Variants in PCMT1 observed in about 807,000 individuals in gnomAD.
PCMT1 encodes protein-L-isoaspartate(D-aspartate) O-methyltransferase.
PCMT1 carries 9 observed loss-of-function variants against 29.2 expected under a neutral mutation model. The observed-to-expected ratio is 0.31, with a 90% CI of 0.19 to 0.54. The LOEUF (loss-of-function observed/expected upper bound fraction) is 0.54, where lower values mean the gene tolerates loss of function less well. Ranked by LOEUF, PCMT1 falls within the 20% of genes least tolerant of loss-of-function variation. The pLI is 0.95. For synonymous variants in PCMT1, 98 were observed against 97.5 expected (o/e 1.00, Z -0.03); for missense variants, 184 against 282.2 (o/e 0.65, Z 2.49).
intron 3 of PCMT1, among the ~76,000 whole-genome samples, chr6:149,783,020 G>A (rs1211691044): frequency 6.6e-6 from 1 of 152,036 alleles, no homozygotes; most frequent in African/African-American, 2.4e-5. Context: ...TCACTATTTT[G>A]TTATCATCAA....
intron 3 of PCMT1, among the ~76,000 whole-genome samples, chr6:149,777,579 C>T (rs2115269764): frequency 6.6e-6 from 1 of 152,044 alleles, no homozygotes; most frequent in Non-Finnish European, 1.5e-5. Flanking sequence ...AAGTTGAGTC[C>T]CAAAGGGTAT....
At chr6:149,773,261 C>T in intron 3 of PCMT1, 92 bp downstream of exon 3, 2 of 1,010,248 alleles carry the variant, frequency 2.0e-6, no homozygotes, top group East Asian at 4.9e-5. Context: ...AAAGTTGTAT[C>T]AATTTATCAT....
intron 7 of PCMT1, among the ~76,000 whole-genome samples, chr6:149,802,749 CAA>C (rs1775878574): frequency 6.6e-6 from 1 of 151,716 alleles, no homozygotes; most frequent in Non-Finnish European, 1.5e-5. Flanking sequence ...GGCATGGAAA[CAA>C]TGAGTTTGGT....
intron 5 of PCMT1, chr6:149,795,704 A>T (rs1222116139): frequency 3.1e-6 from 1 of 323,966 alleles, no homozygotes; most frequent in Non-Finnish European, 5.9e-6. Flanking sequence ...TGAGAGAAGC[A>T]TGGGACTATC....
At chr6:149,784,835 CTTT>C (rs1291533176) in intron 3 of PCMT1, among the ~76,000 whole-genome samples, 2 of 152,154 alleles carry the variant, frequency 1.3e-5, no homozygotes, top group Admixed American at 6.6e-5. Flanking sequence ...TCCCTGGATA[CTTT>C]ATTATAAATC....
intron 2 of PCMT1, among the ~76,000 whole-genome samples, chr6:149,772,899 C>A (rs1787393037): frequency 6.6e-6 from 1 of 151,710 alleles, no homozygotes; most frequent in African/African-American, 2.4e-5. Context: ...GGCCTGTAGT[C>A]CCAGCTACTC....
At chr6:149,804,762 A>C (rs1057445963) in intron 7 of PCMT1, among the ~76,000 whole-genome samples, 2 of 151,950 alleles carry the variant, frequency 1.3e-5, no homozygotes, top group African/African-American at 4.8e-5. Context: ...TCGGCCTCCC[A>C]AAGTGCTAGG....
At position 149,765,652 on chromosome 6, in the gene PCMT1, T is replaced by C. The variant is rs375790651; in HGVS notation, c.56-5510T>C. 36 of 371,896 alleles carry C rather than the reference T, an allele frequency of 9.7e-5. No individual in the cohort carries two copies. In the East Asian group the frequency reaches 2.9e-3, roughly 30 times the overall value. 23.0% of individuals were successfully genotyped at this position (371,896 alleles called of 1,614,324 possible). A position where few individuals can be genotyped will look rare whatever the true frequency, so the allele number is the denominator to read the frequency against. On this transcript the variant is annotated intron_variant, in intron 1 of 7. Transcript: ENST00000464889. ...TATAGTGTCGTTAATTGACCTTATT[T>C]TTTTATTTTTTATTTTTTATTTTTT...
chr6:149,802,122 C>T, intron 6 of PCMT1, 78 bp from the exon 7 acceptor site: 1 of 1,048,274 alleles, frequency 9.5e-7, no homozygotes, highest in Non-Finnish European at 1.3e-6. Context: ...GAGTGAGACC[C>T]TGTCTCAAAA....
intron 3 of PCMT1, among the ~76,000 whole-genome samples, chr6:149,789,066 A>ATTTTTTTTTTTTTTTTTTTTTTTTT (rs56661461): frequency 1.1e-5 from 1 of 90,476 alleles, no homozygotes; most frequent in African/African-American, 4.9e-5. Flanking sequence ...ATTGGATCTG[A>ATTTTTTTTTTTTTTTTTTTTTTTTT]TTTTTTTTTT....
At chr6:149,782,713 A>G (rs1483604049) in intron 3 of PCMT1, among the ~76,000 whole-genome samples, 2 of 152,214 alleles carry the variant, frequency 1.3e-5, no homozygotes, top group African/African-American at 4.8e-5. Context: ...AGATTATAGC[A>G]CAGTGAATTG....
chr6:149,766,446 T>G (rs180915547), intron 1 of PCMT1, among the ~76,000 whole-genome samples: 280 of 152,322 alleles, frequency 1.8e-3, no homozygotes, highest in Non-Finnish European at 3.1e-3. Context: ...ATTCACCAGT[T>G]GTAAGAATAC....
intron 1 of PCMT1, among the ~76,000 whole-genome samples, chr6:149,758,208 CTTTTTTT>C (rs756014067): frequency 5.4e-5 from 4 of 73,916 alleles, no homozygotes; most frequent in Admixed American, 2.2e-4. Context: ...TTCTTTCTTT[CTTTTTTT>C]TTTTTTTTTT....
chr6:149,773,080 T>C, intron 2 of PCMT1, 58 bp from the exon 3 acceptor site: 1 of 1,290,936 alleles, frequency 7.7e-7, no homozygotes, highest in East Asian at 2.3e-5. Flanking sequence ...AAAGAAATTA[T>C]GTGAAATAGT....
At chr6:149,809,258 CAAAAAAAAAAA>C (rs1209712068) in intron 7 of PCMT1, among the ~76,000 whole-genome samples, 1 of 47,092 alleles carries the variant, frequency 2.1e-5, no homozygotes. Flanking sequence ...GACTCTGTCT[CAAAAAAAAAAA>C]AAAAAAAAAA....
At chr6:149,768,647 G>A (rs1429284434) in intron 1 of PCMT1, among the ~76,000 whole-genome samples, 1 of 150,984 alleles carries the variant, frequency 6.6e-6, no homozygotes, top group Admixed American at 6.6e-5. Flanking sequence ...TTTTTTTAAA[G>A]ACAGAGCCTC....
At chr6:149,793,751 G>A (rs1268427207) in intron 5 of PCMT1, 82 bp downstream of exon 5, 27 of 1,180,550 alleles carry the variant, frequency 2.3e-5, no homozygotes, top group Admixed American at 3.3e-5. Context: ...AATACTCAGA[G>A]GTAATTATTG....
chr6:149,758,812 A>T (rs2115206417), intron 1 of PCMT1, among the ~76,000 whole-genome samples: 1 of 152,330 alleles, frequency 6.6e-6, no homozygotes, highest in South Asian at 2.1e-4. Context: ...AATCTCTGGT[A>T]CTTAGAGAAT....
chr6:149,773,118 G>T lies in PCMT1; in HGVS notation c.161-20G>T. ...ATTTTTACAGCTGACTGTATCAGTA[G>T]TTCTCTTCTTCTTTTGCAGGTTTCC... On this transcript the variant is annotated intron_variant, in intron 2 of 7. Coordinates refer to ENST00000464889, the MANE Select transcript of PCMT1 (RefSeq NM_001360452.2). 6.3e-7 allele frequency: 1 copy of T among 1,599,178 alleles called. No homozygotes were observed. The highest frequency in any genetic ancestry group is 8.6e-7 in the Non-Finnish European group (1 of 1,167,622).
Sources: allele counts gnomAD v4.1 joint callset (sites outside exome capture counted in the v4.1 genomes callset), GRCh38; gene constraint gnomAD v4.1.1; transcripts MANE v1.5; gene names NCBI Gene and HGNC (gene_info 2026-07-23, HGNC 2026-07-21).